The following SEPTIN11 variants were observed in gnomAD, a reference collection of about 807,000 sequenced individuals.
SEPTIN11 encodes septin 11.
A neutral mutation model predicts 51.4 loss-of-function variants in SEPTIN11; 25 were observed. The ratio of observed to expected loss-of-function variants is 0.49; its 90% CI spans 0.35 to 0.68. The LOEUF (loss-of-function observed/expected upper bound fraction) is 0.68, where lower values mean the gene tolerates loss of function less well. SEPTIN11 is among the 30% of genes least tolerant of loss of function. The probability of loss-of-function intolerance (pLI) is 0.00; values close to 1 mark genes in which losing one functional copy is unlikely to be tolerated. For missense variants in SEPTIN11, 381 were observed against 520.8 expected, an observed-to-expected ratio of 0.73 and a Z score of 2.61; for synonymous variants, 174 against 184.1, an observed-to-expected ratio of 0.95 and a Z score of 0.44.
chr4:77,019,361 T>C (rs368721726), intron 6 of SEPTIN11, 100 bp downstream of exon 6: 40 of 977,884 alleles, frequency 4.1e-5, no homozygotes, highest in East Asian at 3.7e-4. Flanking sequence ...CCCTCAACAG[T>C]GGGCTGGCAG....
intron 1 of SEPTIN11, among the ~76,000 whole-genome samples, chr4:76,959,354 T>C (rs1291203888): frequency 6.6e-6 from 1 of 151,350 alleles, no homozygotes; most frequent in East Asian, 1.9e-4. Flanking sequence ...CCTCAAGTGA[T>C]CCTCCTGTCT....
intron 9 of SEPTIN11, among the ~76,000 whole-genome samples, chr4:77,033,074 A>G (rs149451240): frequency 5.3e-5 from 8 of 152,258 alleles, no homozygotes; most frequent in Non-Finnish European, 1.2e-4. Flanking sequence ...TATTTTTTGT[A>G]TAACTTTTTC....
chr4:77,025,850 T>C (rs1413897867), intron 7 of SEPTIN11, among the ~76,000 whole-genome samples: 2 of 152,184 alleles, frequency 1.3e-5, no homozygotes, highest in Non-Finnish European at 2.9e-5. Flanking sequence ...CACAATGATA[T>C]AAGAAGTAGC....
intron 1 of SEPTIN11, among the ~76,000 whole-genome samples, chr4:76,958,598 G>A (rs1678705515): frequency 6.6e-6 from 1 of 152,028 alleles, no homozygotes; most frequent in African/African-American, 2.4e-5. Flanking sequence ...TACAAATAAG[G>A]GAGTATGAAT....
chr4:77,028,517 C>G, intron 7 of SEPTIN11, 112 bp from the exon 8 acceptor site: 1 of 1,202,750 alleles, frequency 8.3e-7, no homozygotes, highest in Non-Finnish European at 1.2e-6. Context: ...TTTGATCTGG[C>G]AAGCAGCAGC....
rs1414354813 is a variant in SEPTIN11 at position 77,018,268 on chromosome 4, G to C, written c.688-897G>C. On this transcript the variant is annotated intron_variant, in intron 5 of 9. Coordinates refer to ENST00000264893, the MANE Select transcript of SEPTIN11 (RefSeq NM_018243.4). ...GATCGAGACCATCCTGGCTAACACG[G>C]TGAAACCCCGTTTCTACTAAAAATA... 3.9e-5 allele frequency among the ~76,000 whole-genome samples: 6 copies of C among 152,072 alleles called. 1 individual carries two copies. In the South Asian group the frequency reaches 8.3e-4, roughly 21 times the overall value.
At chr4:77,007,561 CAGTT>C (rs763326543) in intron 3 of SEPTIN11, among the ~76,000 whole-genome samples, 7 of 152,186 alleles carry the variant, frequency 4.6e-5, no homozygotes, top group Non-Finnish European at 7.3e-5. Flanking sequence ...CAGCAGCAAA[CAGTT>C]AGCACAATGC....
chr4:77,018,340 T>C (rs1211286241), intron 5 of SEPTIN11, among the ~76,000 whole-genome samples: 2 of 151,956 alleles, frequency 1.3e-5, no homozygotes, highest in Admixed American at 1.3e-4. Flanking sequence ...TCCCAGCTAT[T>C]TGGGACGCTG....
At chr4:76,952,206 T>TC (rs1224587256) in intron 1 of SEPTIN11, among the ~76,000 whole-genome samples, 1 of 152,198 alleles carries the variant, frequency 6.6e-6, no homozygotes, top group Non-Finnish European at 1.5e-5. Context: ...CTCCATGGAA[T>TC]CTACACTGCA....
chr4:77,005,907 T>C, intron 3 of SEPTIN11, 111 bp downstream of exon 3: 1 of 934,928 alleles, frequency 1.1e-6, no homozygotes, highest in Non-Finnish European at 1.6e-6. Flanking sequence ...TGGGGCTTGG[T>C]CCTCTATTGC....
rs546420956 is a variant in SEPTIN11, at chr4:77,021,031, G to A, written c.953+361G>A. ...TCTTGCAGAGGTGCAGAGCCTGGTCGATATATTTACAAAGGTGCGGCTGCT... is the reference window on the plus strand; with the variant it reads ...TCTTGCAGAGGTGCAGAGCCTGGTCAATATATTTACAAAGGTGCGGCTGCT... On this transcript the variant is annotated intron_variant, in intron 7 of 9. Transcript: ENST00000264893. The A allele has an allele frequency of 2.7e-4, 49 of 181,388 alleles. 1 individual carries two copies. In the South Asian group the frequency reaches 8.0e-3, roughly 30 times the overall value. The allele number at this position is 181,388 out of a possible 1,614,324, so 11.2% of individuals were successfully genotyped here. A position where few individuals can be genotyped will look rare whatever the true frequency, so the allele number is the denominator to read the frequency against.
chr4:76,969,095 C>T (rs1244935158), intron 1 of SEPTIN11, among the ~76,000 whole-genome samples: 2 of 152,192 alleles, frequency 1.3e-5, no homozygotes, highest in Non-Finnish European at 2.9e-5. Flanking sequence ...GACTCCCTAG[C>T]TAAAGTCAGA....
At chr4:77,013,915 C>T (rs1304465097) in intron 4 of SEPTIN11, among the ~76,000 whole-genome samples, 1 of 152,152 alleles carries the variant, frequency 6.6e-6, no homozygotes, top group African/African-American at 2.4e-5. Context: ...TTATTGAAAC[C>T]TGTGTTTACA....
chr4:77,004,556 C>A (rs1396946796), intron 2 of SEPTIN11, among the ~76,000 whole-genome samples: 1 of 152,194 alleles, frequency 6.6e-6, no homozygotes, highest in Non-Finnish European at 1.5e-5. Context: ...GGTTCCACCA[C>A]TTAGCAATGA....
intron 1 of SEPTIN11, among the ~76,000 whole-genome samples, chr4:76,950,487 A>G (rs765093150): frequency 2.0e-5 from 3 of 152,230 alleles, no homozygotes; most frequent in Non-Finnish European, 4.4e-5. Flanking sequence ...GATGTGGACA[A>G]AGCCCCAGAT....
chr4:76,978,867 G>A lies in SEPTIN11; in HGVS notation c.28-17558G>A, dbSNP rs116672882. The stretch of plus-strand genomic sequence containing the variant: ...AGTGTTGGGAAGGGTTCATACTGAA[G>A]CATGTGGCTGGAGTATTGACATCCC... On this transcript the variant is annotated intron_variant, in intron 1 of 9. Coordinates refer to ENST00000264893, the MANE Select transcript of SEPTIN11 (RefSeq NM_018243.4). Among the ~76,000 whole-genome samples the A allele has an allele frequency of 6.3e-3, 960 of 152,216 alleles. 6 individuals are homozygous for A. The highest frequency in any genetic ancestry group is 0.022 in the African/African-American group (917 of 41,524).
chr4:77,027,428 G>A (rs942092321), intron 7 of SEPTIN11, among the ~76,000 whole-genome samples: 1 of 152,192 alleles, frequency 6.6e-6, no homozygotes, highest in African/African-American at 2.4e-5. Context: ...GAACCACCAT[G>A]CTTGGCCTAA....
chr4:76,974,487 C>T, intron 1 of SEPTIN11: 1 of 207,020 alleles, frequency 4.8e-6, no homozygotes, highest in South Asian at 7.4e-5. Flanking sequence ...GAGAAAGAAG[C>T]CAAGACCCAG....
chr4:76,964,495 G>A (rs1358926262), intron 1 of SEPTIN11, among the ~76,000 whole-genome samples: 1 of 152,108 alleles, frequency 6.6e-6, no homozygotes, highest in African/African-American at 2.4e-5. Context: ...TGTGACCTGG[G>A]GAAGGAGGGG....
Sources: allele counts gnomAD v4.1 joint callset (sites outside exome capture counted in the v4.1 genomes callset), GRCh38; gene constraint gnomAD v4.1.1; transcripts MANE v1.5; gene names NCBI Gene and HGNC (gene_info 2026-07-23, HGNC 2026-07-21).